Variants in SHANK2 observed in about 807,000 individuals in gnomAD.
SHANK2 encodes the protein SH3 and multiple ankyrin repeat domains protein 2.
SHANK2 carries 43 observed loss-of-function variants against 133.7 expected under a neutral mutation model. The ratio of observed to expected loss-of-function variants is 0.32; its 90% CI spans 0.25 to 0.41. The LOEUF (loss-of-function observed/expected upper bound fraction) is 0.41. Ranked by LOEUF, SHANK2 falls within the 10% of genes least tolerant of loss-of-function variation. The pLI is 1.00. For missense variants in SHANK2, 1,994 were observed against 2,235.8 expected (o/e 0.89, Z 2.18); for synonymous variants, 1,017 against 952.8 (o/e 1.07, Z -1.24).
chr11:70,505,264 A>G (rs4980603), intron 17 of SHANK2, among the ~76,000 whole-genome samples: 146,572 of 152,038 alleles, frequency 0.96, 70,878 homozygotes, highest in East Asian at 1. Flanking sequence ...GCCAGGGTGA[A>G]GTTATGGGCC....
chr11:71,069,956 G>C (rs1172796365), intron 9 of SHANK2, among the ~76,000 whole-genome samples: 1 of 152,230 alleles, frequency 6.6e-6, no homozygotes, highest in Non-Finnish European at 1.5e-5. Flanking sequence ...CTGCATGAGT[G>C]CCTGCTCTAA....
chr11:70,731,135 C>T (rs1946280916), intron 14 of SHANK2, among the ~76,000 whole-genome samples: 2 of 152,104 alleles, frequency 1.3e-5, no homozygotes, highest in Admixed American at 6.5e-5. Flanking sequence ...AAGGTGGGGT[C>T]CTGATCCTTA....
At position 70,765,180 on chromosome 11, in the gene SHANK2, G is replaced by A. The variant is rs1341438444; in HGVS notation, c.1777+33263C>T. Among the ~76,000 whole-genome samples the A allele has an allele frequency of 5.3e-5, 8 of 152,196 alleles. No individual in the cohort carries two copies. The East Asian group carries it at 9.6e-4, about 18-fold the overall frequency. On this transcript the variant is annotated intron_variant, in intron 14 of 25. Coordinates refer to ENST00000601538, the MANE Select transcript of SHANK2 (RefSeq NM_012309.5). Reference sequence around the variant, plus strand: ...GGGAAACATTATAGCCCACGTCTGTGTGCCAGTCTTTGTGACCCAAGTGGC... The same window carrying A: ...GGGAAACATTATAGCCCACGTCTGTATGCCAGTCTTTGTGACCCAAGTGGC...
At chr11:70,912,362 G>T (rs943496274) in intron 10 of SHANK2, among the ~76,000 whole-genome samples, 5 of 152,090 alleles carry the variant, frequency 3.3e-5, no homozygotes, top group African/African-American at 1.2e-4. Flanking sequence ...AACTTGAATT[G>T]TATCTCCCAG....
At chr11:70,745,422 G>C (rs1219261868) in intron 14 of SHANK2, among the ~76,000 whole-genome samples, 1 of 152,154 alleles carries the variant, frequency 6.6e-6, no homozygotes, top group African/African-American at 2.4e-5. Flanking sequence ...TCTCAGCCCT[G>C]GGGCTCACAG....
At chr11:71,207,718 C>T (rs1364700150) in intron 2 of SHANK2, among the ~76,000 whole-genome samples, 2 of 152,158 alleles carry the variant, frequency 1.3e-5, no homozygotes, top group African/African-American at 4.8e-5. Flanking sequence ...CCAGCTGCCC[C>T]GTGTGACCCC....
At chr11:71,232,705 G>A (rs1033437875) in intron 1 of SHANK2, among the ~76,000 whole-genome samples, 1 of 152,116 alleles carries the variant, frequency 6.6e-6, no homozygotes, top group African/African-American at 2.4e-5. Context: ...CCTTATTTAA[G>A]ATAAGGTTAT....
At chr11:71,224,534 A>G (rs1343835469) in intron 2 of SHANK2, among the ~76,000 whole-genome samples, 163 bp downstream of exon 2, 2 of 152,180 alleles carry the variant, frequency 1.3e-5, no homozygotes, top group African/African-American at 4.8e-5. Flanking sequence ...GGACAATGCC[A>G]TCCACCCTCT....
At chr11:70,776,866 C>A (rs1947376154) in intron 14 of SHANK2, among the ~76,000 whole-genome samples, 1 of 151,830 alleles carries the variant, frequency 6.6e-6, no homozygotes, top group Admixed American at 6.6e-5. Context: ...TCAATCCACA[C>A]ATCCACCCAC....
chr11:70,585,715 C>A (rs2060239986), intron 17 of SHANK2, among the ~76,000 whole-genome samples: 1 of 151,992 alleles, frequency 6.6e-6, no homozygotes, highest in African/African-American at 2.4e-5. Context: ...ACCCATTCAC[C>A]CACTCATTCG....
chr11:71,155,248 AG>A, intron 2 of SHANK2, among the ~76,000 whole-genome samples: 2 of 127,182 alleles, frequency 1.6e-5, no homozygotes, highest in African/African-American at 6.3e-5. Flanking sequence ...ACGCTCCCGG[AG>A]GAGGAGTGGA....
intron 8 of SHANK2, among the ~76,000 whole-genome samples, chr11:71,079,849 G>A (rs1384865656): frequency 1.1e-5 from 1 of 93,074 alleles, no homozygotes; most frequent in African/African-American, 4.0e-5. Context: ...GGGGAAGGAA[G>A]GGGAGGGGAA....
intron 13 of SHANK2, among the ~76,000 whole-genome samples, chr11:70,801,356 AGAGCAGGACGTGTGCC>A (rs1489916212): frequency 3.0e-4 from 45 of 152,218 alleles, no homozygotes; most frequent in Non-Finnish European, 6.0e-4. Context: ...GGGCGTAAAA[AGAGCAGGACGTGTGCC>A]GAGGGTGCAG....
At chr11:70,767,706 G>A (rs1361862659) in intron 14 of SHANK2, among the ~76,000 whole-genome samples, 1 of 152,112 alleles carries the variant, frequency 6.6e-6, no homozygotes, top group Non-Finnish European at 1.5e-5. Context: ...GGGGGGGCAT[G>A]AGGAGTGACT....
chr11:70,701,921 TCACCACCACCATCACCACCACCATCAC>T (rs1333938289), intron 14 of SHANK2, among the ~76,000 whole-genome samples: 3 of 150,328 alleles, frequency 2.0e-5, no homozygotes, highest in Non-Finnish European at 4.4e-5. Context: ...ACCACCATCA[TCACCACCACCATCACCACCACCATCAC>T]CACCACCACC....
chr11:70,647,781 C>T (rs1015249998), intron 17 of SHANK2, among the ~76,000 whole-genome samples: 3 of 152,176 alleles, frequency 2.0e-5, no homozygotes, highest in Non-Finnish European at 4.4e-5. Context: ...GTCCTTCTGC[C>T]CAGGCATGTG....
intron 17 of SHANK2, among the ~76,000 whole-genome samples, chr11:70,652,167 G>C (rs2061346061): frequency 6.6e-6 from 1 of 152,232 alleles, no homozygotes; most frequent in Non-Finnish European, 1.5e-5. Flanking sequence ...AATTGTACAG[G>C]CTGGTAAGTG....
At chr11:71,200,881 T>G (rs1954006228) in intron 2 of SHANK2, among the ~76,000 whole-genome samples, 1 of 151,262 alleles carries the variant, frequency 6.6e-6, no homozygotes, top group African/African-American at 2.4e-5. Context: ...ATCTTTATTT[T>G]AGTGACTGTC....
chr11:70,576,008 G>C lies in SHANK2; in HGVS notation c.2062-73077C>G, dbSNP rs560980765. Among the ~76,000 whole-genome samples, 7 of 152,104 alleles carry C rather than the reference G, an allele frequency of 4.6e-5. 1 individual carries two copies. In the South Asian group the frequency reaches 1.0e-3, roughly 23 times the overall value. On this transcript the variant is annotated intron_variant, in intron 17 of 25. Transcript: ENST00000601538. ...GCATTGAGAGTCAGGAATGAGCTTC[G>C]GTGTGCTGCATGTCCCATTTCCCAG...
Sources: allele counts gnomAD v4.1 joint callset (sites outside exome capture counted in the v4.1 genomes callset), GRCh38; gene constraint gnomAD v4.1.1; transcripts MANE v1.5; gene names NCBI Gene and HGNC (gene_info 2026-07-23, HGNC 2026-07-21).